The following MACF1 variants were observed in gnomAD, a reference collection of about 807,000 sequenced individuals.
MACF1 encodes the protein microtubule actin crosslinking factor 1.
In MACF1, 193 loss-of-function variants were observed where a neutral mutation model predicts 854.8. The ratio of observed to expected loss-of-function variants is 0.23; its 90% CI spans 0.20 to 0.25. MACF1 has a LOEUF of 0.25. MACF1 is among the 10% of genes least tolerant of loss of function. The pLI, the probability that MACF1 is intolerant of heterozygous loss-of-function variation, is 1.00. For synonymous variants in MACF1, 3,185 were observed against 3,226.7 expected (o/e 0.99, Z 0.44); for missense variants, 7,722 against 8,929.1 (o/e 0.86, Z 5.45).
intron 35 of MACF1, 115 bp from the exon 36 acceptor site, chr1:39,327,103 A>C (rs1646629313): frequency 2.0e-6 from 2 of 1,018,230 alleles, no homozygotes; most frequent in Non-Finnish European, 2.8e-6. Context: ...TCTCCGATGA[A>C]TATGGAAGAA....
Position 39,424,099 on chromosome 1 carries a change from C to A in MACF1, c.16221C>A (p.Ala5407=). 4 of 1,612,152 alleles carry A rather than the reference C, an allele frequency of 2.5e-6. No individual in the cohort carries two copies. In the South Asian group the frequency reaches 3.3e-5, roughly 13 times the overall value. ...DMLQAEGGRI[A]QSAELADREK... ...TTCAAGCAGAAGGAGGCAGAATAGC[C>A]CAGTCAGCAGAGCTGGCTGATAGAG... is the stretch of plus-strand genomic sequence containing the variant. The change falls in exon 61 of 101, where the codon GCC becomes GCA. Residue 5407 remains alanine (A), a synonymous_variant. Transcript: ENST00000564288.
chr1:39,440,111 C>CTTT (rs774399403), intron 72 of MACF1, among the ~76,000 whole-genome samples: 10 of 64,566 alleles, frequency 1.5e-4, no homozygotes, highest in East Asian at 3.6e-4. Flanking sequence ...CTTTTCTTTT[C>CTTT]TTTTTTTTTT....
chr1:39,097,359 A>G (rs996760699), intron 2 of MACF1, among the ~76,000 whole-genome samples: 1 of 152,136 alleles, frequency 6.6e-6, no homozygotes, highest in Admixed American at 6.6e-5. Flanking sequence ...CTAAATATCC[A>G]AAAAATGAAT....
intron 52 of MACF1, among the ~76,000 whole-genome samples, chr1:39,377,953 G>A (rs559574405): frequency 2.0e-4 from 30 of 151,650 alleles, no homozygotes; most frequent in East Asian, 1.2e-3. Context: ...GCAGTGAGCC[G>A]AGATCATGCC....
intron 6 of MACF1, among the ~76,000 whole-genome samples, chr1:39,266,921 A>G (rs1645239372): frequency 6.6e-6 from 1 of 152,180 alleles, no homozygotes. Context: ...TTCCTGCCCT[A>G]CTGCAATGGG....
chr1:39,477,045 G>GTA (rs745911075), intron 97 of MACF1, among the ~76,000 whole-genome samples: 264 of 63,710 alleles, frequency 4.1e-3, no homozygotes, highest in Non-Finnish European at 5.2e-3. Flanking sequence ...TACACTTAGT[G>GTA]TATATATATA....
intron 2 of MACF1, among the ~76,000 whole-genome samples, chr1:39,168,633 C>G (rs915419842): frequency 6.6e-6 from 1 of 152,098 alleles, no homozygotes; most frequent in Non-Finnish European, 1.5e-5. Context: ...GCGCCTGGCT[C>G]AAATCTGTGT....
At chr1:39,315,840 A>C (rs1204858775) in intron 27 of MACF1, 149 bp downstream of exon 27, 1 of 687,746 alleles carries the variant, frequency 1.5e-6, no homozygotes, top group Non-Finnish European at 2.3e-6. Flanking sequence ...TTCAGTTCCT[A>C]GTAACATTAA....
At chr1:39,419,804 T>TGC (rs1643464968) in intron 58 of MACF1, among the ~76,000 whole-genome samples, 1 of 136,792 alleles carries the variant, frequency 7.3e-6, no homozygotes, top group Non-Finnish European at 1.5e-5. Flanking sequence ...GGCTAGTGTG[T>TGC]GTGTGTGTGT....
intron 6 of MACF1, chr1:39,268,658 G>A: frequency 8.1e-7 from 1 of 1,232,792 alleles, no homozygotes; most frequent in Middle Eastern, 2.3e-4. Flanking sequence ...TCCCAGGACT[G>A]GCTTAGCTGC....
chr1:39,272,689 A>T (rs1280606541), intron 6 of MACF1, among the ~76,000 whole-genome samples: 1 of 152,144 alleles, frequency 6.6e-6, no homozygotes, highest in Non-Finnish European at 1.5e-5. Flanking sequence ...GCTTTTTAGG[A>T]TGGAGAGAAA....
chr1:39,199,990 A>C (rs1644369724), upstream of MACF1, among the ~76,000 whole-genome samples: 1 of 152,170 alleles, frequency 6.6e-6, no homozygotes, highest in African/African-American at 2.4e-5. Flanking sequence ...GTTTACAGCA[A>C]AGTTCCTTGA....
intron 52 of MACF1, 144 bp downstream of exon 52, chr1:39,372,740 C>A (rs935089293): frequency 1.6e-6 from 1 of 643,790 alleles, no homozygotes; most frequent in Non-Finnish European, 2.8e-6. Flanking sequence ...TCCCCTGCAA[C>A]CTGACCTGTC....
intron 2 of MACF1, among the ~76,000 whole-genome samples, chr1:39,087,996 C>T (rs1465859152): frequency 6.7e-6 from 1 of 149,164 alleles, no homozygotes; most frequent in African/African-American, 2.5e-5. Flanking sequence ...TGGAGTCTCG[C>T]TGTCGCCCAG....
chr1:39,284,918 A>G (rs1286048684), intron 11 of MACF1, among the ~76,000 whole-genome samples, 165 bp from the exon 12 acceptor site: 1 of 152,220 alleles, frequency 6.6e-6, no homozygotes, highest in Non-Finnish European at 1.5e-5. Context: ...CTTTAACTCA[A>G]GGGTGAAGAA....
chr1:39,377,296 G>A (rs1292243126), intron 52 of MACF1, among the ~76,000 whole-genome samples: 1 of 152,212 alleles, frequency 6.6e-6, no homozygotes, highest in East Asian at 1.9e-4. Flanking sequence ...ACAGGTGTGA[G>A]CCACCGCGCC....
intron 58 of MACF1, chr1:39,413,098 A>G (rs753925820): frequency 2.5e-6 from 4 of 1,605,594 alleles, no homozygotes; most frequent in Non-Finnish European, 3.4e-6. Context: ...ACAGGAGGGT[A>G]TGTCAGCTGT....
Position 39,388,249 on chromosome 1 carries a change from C to T in MACF1, c.15407C>T (p.Ala5136Val), listed in dbSNP as rs753641159. 5 of 1,614,164 alleles carry T rather than the reference C, an allele frequency of 3.1e-6. No homozygotes were observed. The highest frequency in any genetic ancestry group is 3.4e-6 in the Non-Finnish European group (4 of 1,180,014). ...GTCCGAGAGATGTTCTCTCAATTGG[C>T]AGACCTGGATGATGAGCTAGATGGC... The part of the protein sequence containing the change: ...CRVREMFSQL[A>V]DLDDELDGMG... Residue 5136 changes from alanine (A) to valine (V), a missense_variant, in exon 58 of 101, where the codon GCA becomes GTA. Coordinates refer to ENST00000564288, the MANE Select transcript of MACF1 (RefSeq NM_001394062.1).
intron 72 of MACF1, 110 bp downstream of exon 72, chr1:39,439,610 GGTTTTT>G (rs1229622274): frequency 6.5e-5 from 56 of 868,070 alleles, no homozygotes; most frequent in African/African-American, 2.2e-4. Context: ...GTACCTTAAA[GGTTTTT>G]GTTTTTGTTT....
Sources: allele counts gnomAD v4.1 joint callset (sites outside exome capture counted in the v4.1 genomes callset), GRCh38; gene constraint gnomAD v4.1.1; transcripts MANE v1.5; gene names NCBI Gene and HGNC (gene_info 2026-07-23, HGNC 2026-07-21).